The following ENTREP2 variants were observed in gnomAD, a reference collection of about 807,000 sequenced individuals.
ENTREP2 encodes the protein endosomal transmembrane epsin interactor 2, also known as protein ENTREP2.
the ENTREP2 span, among the ~76,000 whole-genome samples, chr15:29,519,472 G>A: frequency 6.6e-6 from 1 of 151,434 alleles, no homozygotes; most frequent in South Asian, 2.1e-4. Flanking sequence ...CAACAAAGAT[G>A]AAGACCTTTA....
chr15:29,589,042 G>A, the ENTREP2 span, among the ~76,000 whole-genome samples: 1 of 151,848 alleles, frequency 6.6e-6, no homozygotes, highest in Admixed American at 6.6e-5. Context: ...AGTGTCTAGG[G>A]ATAGCTACTT....
chr15:29,457,894 G>A, the ENTREP2 span, among the ~76,000 whole-genome samples: 1 of 152,144 alleles, frequency 6.6e-6, no homozygotes, highest in East Asian at 1.9e-4. Context: ...CCTGCAGGAT[G>A]AGGCACGGCT....
chr15:29,570,875 G>A, the ENTREP2 span, among the ~76,000 whole-genome samples: 1 of 145,080 alleles, frequency 6.9e-6, no homozygotes, highest in South Asian at 2.1e-4. Context: ...GCCGGGAGCG[G>A]GCCGGGCCGG....
the ENTREP2 span, among the ~76,000 whole-genome samples, chr15:29,372,496 A>G: frequency 6.6e-6 from 1 of 152,124 alleles, no homozygotes; most frequent in South Asian, 2.1e-4. Flanking sequence ...TTATATGCAA[A>G]TTTTCAACTA....
chr15:29,208,761 C>G, the ENTREP2 span, among the ~76,000 whole-genome samples: 1 of 152,134 alleles, frequency 6.6e-6, no homozygotes, highest in African/African-American at 2.4e-5. Context: ...AAGCAATACA[C>G]GAGAATAGCC....
the ENTREP2 span, among the ~76,000 whole-genome samples, chr15:29,449,312 A>G: frequency 6.6e-6 from 1 of 152,206 alleles, no homozygotes. Flanking sequence ...GACAACCTCC[A>G]TGAAACGATG....
chr15:29,458,205 G>A, the ENTREP2 span, among the ~76,000 whole-genome samples: 1 of 152,102 alleles, frequency 6.6e-6, no homozygotes, highest in Non-Finnish European at 1.5e-5. Flanking sequence ...GAAGGCAGGA[G>A]AAAATGAATG....
the ENTREP2 span, among the ~76,000 whole-genome samples, chr15:29,347,727 A>G: frequency 6.6e-6 from 1 of 152,240 alleles, no homozygotes; most frequent in African/African-American, 2.4e-5. Context: ...ACTGGAACAA[A>G]GCATTCACAT....
chr15:29,466,580 A>AGGGGAGGATGCTGCAGCCCCCAGGGGAGG, the ENTREP2 span, among the ~76,000 whole-genome samples: 2 of 75,096 alleles, frequency 2.7e-5, no homozygotes, highest in Non-Finnish European at 5.5e-5. Flanking sequence ...CCCAGGGGAG[A>AGGGGAGGATGCTGCAGCCCCCAGGGGAGG]GCCCAGGGGA....
chr15:29,642,082 A>T, the ENTREP2 span, among the ~76,000 whole-genome samples: 1 of 152,142 alleles, frequency 6.6e-6, no homozygotes, highest in Non-Finnish European at 1.5e-5. Context: ...AAATTAAAGC[A>T]ATTCCTATCA....
chr15:29,254,092 A>G, the ENTREP2 span, among the ~76,000 whole-genome samples: 1 of 138,644 alleles, frequency 7.2e-6, no homozygotes, highest in African/African-American at 2.6e-5. Context: ...CCTTTTTGTG[A>G]TGGAGAATAA....
chr15:29,183,191 A>C, the ENTREP2 span, among the ~76,000 whole-genome samples: 1 of 152,246 alleles, frequency 6.6e-6, no homozygotes, highest in Non-Finnish European at 1.5e-5. Flanking sequence ...GATCGTGAGA[A>C]GACTTTTATG....
chr15:29,200,111 A>G, the ENTREP2 span, among the ~76,000 whole-genome samples: 1 of 152,112 alleles, frequency 6.6e-6, no homozygotes, highest in Non-Finnish European at 1.5e-5. Flanking sequence ...CTGTGGCTAT[A>G]AGTCTGGAAA....
chr15:29,613,784 T>A, the ENTREP2 span: 1 of 164,198 alleles, frequency 6.1e-6, no homozygotes, highest in African/African-American at 2.4e-5. Flanking sequence ...AAGCTAGCAG[T>A]CAATACAGTG....
At chr15:29,129,672 A>G in the ENTREP2 span, among the ~76,000 whole-genome samples, 1 of 151,788 alleles carries the variant, frequency 6.6e-6, no homozygotes, top group African/African-American at 2.4e-5. Flanking sequence ...TCTTGGATAT[A>G]CTCTGATTCC....
chr15:29,666,944 C>T, the ENTREP2 span, among the ~76,000 whole-genome samples: 1 of 152,152 alleles, frequency 6.6e-6, no homozygotes, highest in Non-Finnish European at 1.5e-5. Context: ...TCCCATAAAC[C>T]TGTGATGCTC....
At chr15:29,249,961 C>T in the ENTREP2 span, among the ~76,000 whole-genome samples, 1 of 152,200 alleles carries the variant, frequency 6.6e-6, no homozygotes, top group East Asian at 1.9e-4. Context: ...CTCGTGAGAA[C>T]TCACTCCCTC....
At chr15:29,160,238 C>T in the ENTREP2 span, among the ~76,000 whole-genome samples, 4 of 152,164 alleles carry the variant, frequency 2.6e-5, no homozygotes, top group East Asian at 1.9e-4. Context: ...CGCGCAGCCC[C>T]GGTTCCCGCC....
chr15:29,338,629 T>C, the ENTREP2 span, among the ~76,000 whole-genome samples: 7 of 151,640 alleles, frequency 4.6e-5, no homozygotes, highest in Non-Finnish European at 1.0e-4. Context: ...CGGCCAGCCA[T>C]CACTTAGATG....
Sources: gnomAD v4.1 joint callset for allele counts (sites outside exome capture counted in the v4.1 genomes callset) on GRCh38, gnomAD v4.1.1 for gene constraint, MANE v1.5 for transcripts, NCBI Gene and HGNC (gene_info 2026-07-23, HGNC 2026-07-21) for gene names.